The following SRPRA variants were observed in gnomAD, a reference collection of about 807,000 sequenced individuals.
SRPRA encodes SRP receptor subunit alpha.
Under a neutral mutation model 61.1 loss-of-function variants are expected in SRPRA, and 30 were observed. The observed-to-expected ratio is 0.49, with a 90% CI of 0.37 to 0.67. The LOEUF is 0.67. Among genes scored for constraint, SRPRA ranks in the 30% least tolerant of loss-of-function variants. The probability of loss-of-function intolerance (pLI) is 0.00; values close to 1 mark genes in which losing one functional copy is unlikely to be tolerated. For missense variants in SRPRA, 759 were observed against 828.4 expected (o/e 0.92, Z 1.03); for synonymous variants, 324 against 299.7 (o/e 1.08, Z -0.84).
the SRPRA span, among the ~76,000 whole-genome samples, chr11:126,248,016 C>T: frequency 2.6e-4 from 37 of 139,770 alleles, no homozygotes; most frequent in African/African-American, 9.3e-4. Context: ...CGTGGTGGCA[C>T]GCACCTGTAG....
chr11:126,238,884 T>TAA, the SRPRA span, among the ~76,000 whole-genome samples: 1 of 140,140 alleles, frequency 7.1e-6, no homozygotes. Context: ...ATATACCCGC[T>TAA]AAAAAAAAAA....
the SRPRA span, among the ~76,000 whole-genome samples, chr11:126,253,028 C>CT: frequency 6.6e-6 from 1 of 152,172 alleles, no homozygotes; most frequent in African/African-American, 2.4e-5. This position sits in a 1 kb window ranked among gnomAD's most constrained non-coding sequence, Gnocchi z 5.1. Context: ...GACCAAGACT[C>CT]TGTCTAAAAA....
chr11:126,247,149 C>T, the SRPRA span, among the ~76,000 whole-genome samples: 1 of 152,186 alleles, frequency 6.6e-6, no homozygotes, highest in Non-Finnish European at 1.5e-5. Context: ...AAAAAGTAGT[C>T]GGCGTGGTGG....
the SRPRA span, among the ~76,000 whole-genome samples, chr11:126,245,725 A>C: frequency 1.3e-5 from 2 of 152,120 alleles, no homozygotes; most frequent in African/African-American, 4.8e-5. Context: ...GGCCGAGCGC[A>C]GTGGCTAACT....
chr11:126,243,331 G>T, the SRPRA span, among the ~76,000 whole-genome samples: 16 of 152,106 alleles, frequency 1.1e-4, no homozygotes, highest in Non-Finnish European at 1.8e-4. Flanking sequence ...AAACACAGTG[G>T]TTCAGGCCTG....
chr11:126,241,175 C>T, the SRPRA span: 2 of 1,030,482 alleles, frequency 1.9e-6, no homozygotes, highest in African/African-American at 1.6e-5. Flanking sequence ...TGTAGGTTTC[C>T]ATAACATTTG....
chr11:126,266,410 C>T (rs143641185), intron 6 of SRPRA, 66 bp downstream of exon 6: 197 of 1,595,508 alleles, frequency 1.2e-4, no homozygotes, highest in Non-Finnish European at 1.6e-4. Context: ...CCCAGTATCA[C>T]GTTCCCACAC....
chr11:126,239,778 T>G, the SRPRA span, among the ~76,000 whole-genome samples: 3 of 152,258 alleles, frequency 2.0e-5, no homozygotes, highest in African/African-American at 7.2e-5. Flanking sequence ...CCCCCCAAAG[T>G]GCTGGGATTA....
intron 6 of SRPRA, 76 bp from the exon 7 acceptor site, chr11:126,266,354 CT>C (rs1950810678): frequency 6.3e-7 from 1 of 1,594,360 alleles, no homozygotes; most frequent in Non-Finnish European, 8.6e-7. Flanking sequence ...TGCTCTATCT[CT>C]TTCATTTTGG....
chr11:126,264,793 A>C lies in SRPRA; in HGVS notation c.1525+166T>G. ...AGGTATATTAGCTTTGCCTGCAACT[A>C]CATCTGTTATCCAAAAGCAGAGCAT... On this transcript the variant is annotated intron_variant, in intron 11 of 13. Transcript: ENST00000332118. This position sits in a 1 kb window ranked among gnomAD's most constrained non-coding sequence, Gnocchi z 5.0. The C allele has an allele frequency of 2.5e-6, 2 of 794,982 alleles. No homozygotes were observed. Among genetic ancestry groups the C allele is most frequent in the South Asian group, 3.7e-5 (2 of 53,828 alleles). 49.2% of individuals were successfully genotyped at this position (794,982 alleles called of 1,614,324 possible). A position where few individuals can be genotyped will look rare whatever the true frequency, so the allele number is the denominator to read the frequency against.
At chr11:126,256,975 A>C in the SRPRA span, 1 of 970,432 alleles carries the variant, frequency 1.0e-6, no homozygotes, top group South Asian at 1.6e-5. The surrounding 1 kb of genome is among the most constrained non-coding windows in gnomAD (Gnocchi z 6.6). Flanking sequence ...ACCAAATTGT[A>C]AAGGAGGCCA....
At chr11:126,256,925 A>T in the SRPRA span, 1 of 1,431,948 alleles carries the variant, frequency 7.0e-7, no homozygotes, top group Non-Finnish European at 9.5e-7. This position sits in a 1 kb window ranked among gnomAD's most constrained non-coding sequence, Gnocchi z 6.6. Context: ...TTGTGATGTG[A>T]TGGGCAAAAT....
Position 126,266,578 on chromosome 11 carries a change from C to A in SRPRA, c.738G>T (p.Arg246=), listed in dbSNP as rs368529699. 5.6e-6 allele frequency: 9 copies of A among 1,614,068 alleles called. No homozygotes were observed. The highest frequency in any genetic ancestry group is 7.6e-6 in the Non-Finnish European group (9 of 1,180,042). Residue 246 remains arginine (R), a synonymous_variant, in exon 6 of 14, where the codon CGG becomes CGT. Transcript: ENST00000332118. ...TAGCACAGCCACCCAGTTCCCACAC[C>A]CGGGGTGCTTTTTTGCCCTTCTCCT... is the stretch of plus-strand genomic sequence containing the variant. The part of the protein sequence containing the change: ...APKEKGKKAP[R]VWELGGCANK...
rs376406132 is a variant in SRPRA, at chr11:126,264,170, A to G, written c.1788+21T>C. 3.3e-5 allele frequency: 54 copies of G among 1,613,060 alleles called. No individual in the cohort carries two copies. The highest frequency in any genetic ancestry group is 4.5e-5 in the Non-Finnish European group (53 of 1,179,336). ...CTCCTTTGTGCAGGACGCCCATTCC[A>G]GCCTCCAGTCTCACGTTTACCTTGT... On this transcript the variant is annotated intron_variant, in intron 13 of 13. Coordinates refer to ENST00000332118, the MANE Select transcript of SRPRA (RefSeq NM_003139.4). The surrounding 1 kb of genome is among the most constrained non-coding windows in gnomAD (Gnocchi z 5.0).
At position 126,265,455 on chromosome 11, in the gene SRPRA, G is replaced by A. The variant is rs1950790725; in HGVS notation, c.1139-15C>T. Reference sequence around the variant, plus strand: ...GGAAGTCACCGCTGAAAGGGGAGGTGGAGGAGGTTGCAGCTGTGAAACTCA... The same window carrying A: ...GGAAGTCACCGCTGAAAGGGGAGGTAGAGGAGGTTGCAGCTGTGAAACTCA... On this transcript the variant is annotated splice_polypyrimidine_tract_variant and intron_variant, in intron 9 of 13. Coordinates refer to ENST00000332118, the MANE Select transcript of SRPRA (RefSeq NM_003139.4). The surrounding 1 kb of genome is among the most constrained non-coding windows in gnomAD (Gnocchi z 6.3). 2 of 1,605,480 alleles carry A rather than the reference G, an allele frequency of 1.2e-6. No individual in the cohort carries two copies. The highest frequency in any genetic ancestry group is 1.7e-6 in the Non-Finnish European group (2 of 1,175,320).
chr11:126,254,883 G>T, the SRPRA span, among the ~76,000 whole-genome samples: 1 of 152,126 alleles, frequency 6.6e-6, no homozygotes. Context: ...TTAACTTATG[G>T]GTGTGCATGC....
At chr11:126,262,175 G>T, downstream of SRPRA, 1 of 1,605,146 alleles carries the variant, frequency 6.2e-7, no homozygotes, top group Non-Finnish European at 8.5e-7. Context: ...AAGCTGTAAG[G>T]CCCTACTACA....
rs780342102 is a variant in SRPRA, at chr11:126,264,976, A to G, written c.1508T>C (p.Met503Thr). 2 of 1,614,048 alleles carry G rather than the reference A, an allele frequency of 1.2e-6. No individual in the cohort carries two copies. Among genetic ancestry groups the G allele is most frequent in the South Asian group, 1.1e-5 (1 of 91,084 alleles). The change falls in exon 11 of 14, where the codon ATG becomes ACG. Residue 503 changes from methionine to threonine, a missense_variant. Met to Thr is a moderately conservative substitution (Grantham distance 81, BLOSUM62 -1). Around this residue, in one of 2 missense-constraint regions of SRPRA, gnomAD observed 284 missense variants for 365.9 expected, o/e 0.78. Transcript: ENST00000332118. The surrounding 1 kb of genome is among the most constrained non-coding windows in gnomAD (Gnocchi z 5.0). ...GYGKDAAGIA[M>T]EAIAFARNQG... The stretch of plus-strand genomic sequence containing the variant: ...CACTGTACCAAAAGCAATGGCTTCC[A>G]TGGCAATGCCAGCAGCATCCTTGCC...
chr11:126,246,007 A>G, the SRPRA span, among the ~76,000 whole-genome samples: 5 of 151,900 alleles, frequency 3.3e-5, no homozygotes, highest in South Asian at 2.1e-4. Flanking sequence ...AAAAAAAAAA[A>G]AAAGAAAGAA....
Sources: gnomAD v4.1 joint callset for allele counts (sites outside exome capture counted in the v4.1 genomes callset) on GRCh38, gnomAD v4.1.1 for gene constraint, gnomAD v4.1.1 regional missense constraint, Gnocchi (gnomAD v3.1) non-coding constraint, MANE v1.5 for transcripts, NCBI Gene and HGNC (gene_info 2026-07-23, HGNC 2026-07-21) for gene names.